The following WAC variants were observed in gnomAD, a reference collection of about 807,000 sequenced individuals.
WAC encodes the protein WW domain containing adaptor with coiled-coil.
Under a neutral mutation model 79.6 loss-of-function variants are expected in WAC, and 11 were observed. The ratio of observed to expected loss-of-function variants is 0.14; its 90% CI spans 0.09 to 0.23. WAC has a LOEUF of 0.23. Ranked by LOEUF, WAC falls within the 10% of genes least tolerant of loss-of-function variation. WAC has a pLI of 1.00. For missense variants in WAC, 728 were observed against 773.5 expected (o/e 0.94, Z 0.70); for synonymous variants, 304 against 276.9 (o/e 1.10, Z -0.97).
At chr10:28,610,117 G>A (rs12267243) in intron 8 of WAC, among the ~76,000 whole-genome samples, 1 of 151,926 alleles carries the variant, frequency 6.6e-6, no homozygotes, top group Non-Finnish European at 1.5e-5. Context: ...ATTTTTAGTA[G>A]AGACAGGGTT....
intron 6 of WAC, among the ~76,000 whole-genome samples, chr10:28,592,124 A>G (rs112489738): frequency 6.6e-6 from 1 of 152,226 alleles, no homozygotes; most frequent in African/African-American, 2.4e-5. Context: ...TTTTAATGGT[A>G]TAAAGTACTG....
intron 7 of WAC, among the ~76,000 whole-genome samples, chr10:28,597,657 C>T (rs1286554727): frequency 3.9e-5 from 6 of 152,066 alleles, no homozygotes; most frequent in African/African-American, 1.4e-4. Flanking sequence ...TTCAGACTTA[C>T]GTATCTACTT....
At chr10:28,561,033 A>G (rs938463180) in intron 3 of WAC, among the ~76,000 whole-genome samples, 16 of 152,218 alleles carry the variant, frequency 1.1e-4, no homozygotes, top group African/African-American at 3.6e-4. Context: ...ACTGAATGCC[A>G]GATGAAGAGG....
At chr10:28,582,201 A>G (rs767248699) in intron 3 of WAC, among the ~76,000 whole-genome samples, 8 of 152,198 alleles carry the variant, frequency 5.3e-5, no homozygotes, top group Non-Finnish European at 8.8e-5. Context: ...TACTTCGTCC[A>G]TGAACTTTTT....
chr10:28,576,847 TTTA>T (rs1479397661), intron 3 of WAC, among the ~76,000 whole-genome samples: 1 of 152,196 alleles, frequency 6.6e-6, no homozygotes, highest in African/African-American at 2.4e-5. Flanking sequence ...TTCAATTATA[TTTA>T]TTATTTAACC....
Position 28,619,737 on chromosome 10 carries a change from G to A in WAC, c.*131G>A, listed in dbSNP as rs1438552408. The A allele has an allele frequency of 4.7e-6, 3 of 634,544 alleles. No homozygotes were observed. The highest frequency in any genetic ancestry group is 5.3e-5 in the South Asian group (2 of 37,708). 39.3% of individuals were successfully genotyped at this position (634,544 alleles called of 1,614,324 possible). A position where few individuals can be genotyped will look rare whatever the true frequency, so the allele number is the denominator to read the frequency against. On this transcript the variant is annotated 3_prime_UTR_variant, in exon 14 of 14. Transcript: ENST00000354911. ...GGCAAAGGAAATGACAAGGGGACGG[G>A]GTCTGTGAGAGTCAATTCAGGGGAA... is the stretch of plus-strand genomic sequence containing the variant.
At chr10:28,535,874 T>G in intron 3 of WAC, 117 bp downstream of exon 3, 1 of 887,622 alleles carries the variant, frequency 1.1e-6, no homozygotes, top group Non-Finnish European at 1.6e-6. Context: ...CATTAAAATA[T>G]TTTAATCCTA....
At chr10:28,559,125 C>G (rs558853955) in intron 3 of WAC, among the ~76,000 whole-genome samples, 1 of 92,766 alleles carries the variant, frequency 1.1e-5, no homozygotes, top group Non-Finnish European at 2.0e-5. Context: ...TCTCTGCTCT[C>G]GAGAAACCTG....
chr10:28,608,540 G>A (rs987751841), intron 8 of WAC, 109 bp downstream of exon 8: 1 of 1,204,616 alleles, frequency 8.3e-7, no homozygotes, highest in Non-Finnish European at 1.1e-6. Context: ...GAAATTTATA[G>A]TTGAACACTT....
chr10:28,542,954 T>C (rs187883651), intron 3 of WAC, among the ~76,000 whole-genome samples: 31 of 152,366 alleles, frequency 2.0e-4, no homozygotes, highest in Non-Finnish European at 3.2e-4. Flanking sequence ...TTTTAATGTT[T>C]TTATCCACCT....
intron 3 of WAC, among the ~76,000 whole-genome samples, chr10:28,567,057 G>A (rs1043967369): frequency 1.1e-4 from 17 of 149,306 alleles, no homozygotes; most frequent in African/African-American, 3.7e-4. Flanking sequence ...TGTGCTTTAT[G>A]GTATTTCTCT....
chr10:28,561,910 A>G (rs1243237600), intron 3 of WAC, among the ~76,000 whole-genome samples: 2 of 152,174 alleles, frequency 1.3e-5, no homozygotes, highest in African/African-American at 2.4e-5. Context: ...CCCCAAAACC[A>G]TCAACACCTT....
At chr10:28,582,493 A>G (rs1263330983) in intron 3 of WAC, among the ~76,000 whole-genome samples, 1 of 152,164 alleles carries the variant, frequency 6.6e-6, no homozygotes, top group Non-Finnish European at 1.5e-5. Context: ...TTCCTGGACC[A>G]CTGGAGCATT....
intron 5 of WAC, 47 bp from the exon 6 acceptor site, chr10:28,590,673 T>G: frequency 6.8e-7 from 1 of 1,481,330 alleles, no homozygotes; most frequent in Non-Finnish European, 9.1e-7. Flanking sequence ...TGGAAACTCA[T>G]GCCCTTAATG....
chr10:28,573,569 TCA>T (rs1368821538), intron 3 of WAC, among the ~76,000 whole-genome samples: 1 of 152,212 alleles, frequency 6.6e-6, no homozygotes, highest in Non-Finnish European at 1.5e-5. Context: ...TATTCCAGAT[TCA>T]CAGTCGTGCA....
intron 3 of WAC, among the ~76,000 whole-genome samples, chr10:28,539,455 T>G (rs1836880557): frequency 6.6e-6 from 1 of 152,222 alleles, no homozygotes; most frequent in Admixed American, 6.5e-5. Context: ...ATTAAAATAT[T>G]TTTTTGTGAA....
At chr10:28,588,086 A>C (rs1479945709) in intron 4 of WAC, among the ~76,000 whole-genome samples, 2 of 152,154 alleles carry the variant, frequency 1.3e-5, no homozygotes, top group African/African-American at 4.8e-5. Context: ...CACTAGTCTC[A>C]AATCTCATTC....
rs559846839 is a variant in WAC at position 28,556,213 on chromosome 10, C to T, written c.274+20456C>T. Among the ~76,000 whole-genome samples the T allele has an allele frequency of 1.8e-4, 27 of 152,008 alleles. No homozygotes were observed. The South Asian group carries it at 5.2e-3, about 29-fold the overall frequency. ...ACAAAGGTTCCCTCCTCTGCACCCTCACCAACACTTAACCTCTTGTTTTTT... is the reference window on the plus strand; with the variant it reads ...ACAAAGGTTCCCTCCTCTGCACCCTTACCAACACTTAACCTCTTGTTTTTT... On this transcript the variant is annotated intron_variant, in intron 3 of 13. Coordinates refer to ENST00000354911, the MANE Select transcript of WAC (RefSeq NM_016628.5).
At chr10:28,616,629 A>T (rs968948765) in intron 12 of WAC, among the ~76,000 whole-genome samples, 1 of 152,224 alleles carries the variant, frequency 6.6e-6, no homozygotes, top group African/African-American at 2.4e-5. Context: ...TCTACTTCTT[A>T]AAACAGCTAA....
Sources: allele counts gnomAD v4.1 joint callset (sites outside exome capture counted in the v4.1 genomes callset), GRCh38; gene constraint gnomAD v4.1.1; transcripts MANE v1.5; gene names NCBI Gene and HGNC (gene_info 2026-07-23, HGNC 2026-07-21).